ACMSD: variants seen among roughly 807,000 people sequenced by gnomAD.
ACMSD encodes 2-amino-3-carboxymuconate-6-semialdehyde decarboxylase.
ACMSD carries 37 observed loss-of-function variants against 45.9 expected under a neutral mutation model. That is an observed-to-expected ratio of 0.81 (90% CI 0.62 to 1.06). ACMSD has a LOEUF of 1.06. Among genes scored for constraint, ACMSD ranks in the 50% least tolerant of loss-of-function variants. The probability of loss-of-function intolerance (pLI) is 0.00; values close to 1 mark genes in which losing one functional copy is unlikely to be tolerated. For synonymous variants in ACMSD, 138 were observed against 148.8 expected, an observed-to-expected ratio of 0.93 and a Z score of 0.53; for missense variants, 434 against 420.9, an observed-to-expected ratio of 1.03 and a Z score of -0.27.
intron 2 of ACMSD, among the ~76,000 whole-genome samples, chr2:134,848,120 G>C (rs1208381720): frequency 6.6e-6 from 1 of 152,198 alleles, no homozygotes; most frequent in Non-Finnish European, 1.5e-5. Flanking sequence ...CAAAGTGCTG[G>C]GATTACAGGC....
At chr2:134,886,246 A>ATTATTATTATTATTATTATTATTTTTTTT in intron 8 of ACMSD, among the ~76,000 whole-genome samples, 1 of 115,450 alleles carries the variant, frequency 8.7e-6, no homozygotes, top group African/African-American at 3.6e-5. Context: ...TATTATTATT[A>ATTATTATTATTATTATTATTATTTTTTTT]TTTTTTTTTT....
At chr2:134,864,103 T>C (rs1687980968) in intron 5 of ACMSD, among the ~76,000 whole-genome samples, 1 of 151,840 alleles carries the variant, frequency 6.6e-6, no homozygotes, top group Non-Finnish European at 1.5e-5. Flanking sequence ...ACCCCATCTC[T>C]ACTAAAAATA....
intron 7 of ACMSD, among the ~76,000 whole-genome samples, chr2:134,871,674 A>ACAC (rs1559055052): frequency 7.0e-6 from 1 of 142,352 alleles, no homozygotes; most frequent in African/African-American, 2.7e-5. Flanking sequence ...GTGACCCTTC[A>ACAC]ACAGACAGAC....
rs528229403 is a variant in ACMSD at position 134,873,130 on chromosome 2, C to T, written c.849+489C>T. On this transcript the variant is annotated intron_variant, in intron 8 of 9. Coordinates refer to ENST00000356140, the MANE Select transcript of ACMSD (RefSeq NM_138326.3). The stretch of plus-strand genomic sequence containing the variant: ...TGGAAAATGCATAGTTGGGAAATTG[C>T]GCTGGACAGGGAGTCAGGGGAAGAT... The T allele has an allele frequency of 1.2e-4, 19 of 163,086 alleles. No homozygotes were observed. In the East Asian group the frequency reaches 2.7e-3, roughly 23 times the overall value. The allele number at this position is 163,086 out of a possible 1,614,324, so 10.1% of individuals were successfully genotyped here.
At chr2:134,863,683 G>C in intron 5 of ACMSD, 52 bp downstream of exon 5, 1 of 1,576,596 alleles carries the variant, frequency 6.3e-7, no homozygotes, top group East Asian at 2.2e-5. Flanking sequence ...CCTGGGCCGG[G>C]GGCACCGCTG....
intron 1 of ACMSD, among the ~76,000 whole-genome samples, chr2:134,842,327 G>A (rs1167920264): frequency 6.6e-6 from 1 of 152,108 alleles, no homozygotes; most frequent in African/African-American, 2.4e-5. Context: ...GGCCTGTGAG[G>A]TAAATTGGCA....
At chr2:134,879,107 C>T (rs1190119604) in intron 8 of ACMSD, among the ~76,000 whole-genome samples, 3 of 152,078 alleles carry the variant, frequency 2.0e-5, no homozygotes, top group Admixed American at 2.0e-4. Context: ...GCCAGAAATC[C>T]GTATCTTAAC....
intron 1 of ACMSD, among the ~76,000 whole-genome samples, chr2:134,843,977 A>G (rs539845654): frequency 6.6e-6 from 1 of 152,256 alleles, no homozygotes; most frequent in Non-Finnish European, 1.5e-5. Context: ...TTCCTTGCCT[A>G]CCCCAGCCTT....
chr2:134,869,956 C>T (rs1285244653), intron 6 of ACMSD, among the ~76,000 whole-genome samples: 1 of 152,220 alleles, frequency 6.6e-6, no homozygotes, highest in Non-Finnish European at 1.5e-5. Flanking sequence ...CTTCAGGAAG[C>T]TCTACCCACA....
At chr2:134,865,851 C>A (rs1241660598) in intron 5 of ACMSD, among the ~76,000 whole-genome samples, 3 of 152,180 alleles carry the variant, frequency 2.0e-5, no homozygotes, top group African/African-American at 7.2e-5. Flanking sequence ...GTAGTGCCAA[C>A]TGCCCAGCTC....
In ACMSD at chr2:134,866,438, A is replaced by T. The variant is rs3814358; in HGVS notation, c.487-1141A>T. Among the ~76,000 whole-genome samples the T allele has an allele frequency of 2.6e-3, 394 of 152,046 alleles. 3 individuals are homozygous for T. The highest frequency in any genetic ancestry group is 9.1e-3 in the African/African-American group (376 of 41,446). ...AAGAGGTCAATATTTTCTTTCCAAC[A>T]GGCACCTATTATCAGAAACCAATTA... On this transcript the variant is annotated intron_variant, in intron 5 of 9. Transcript: ENST00000356140.
At chr2:134,853,919 A>G (rs1276612385) in intron 2 of ACMSD, among the ~76,000 whole-genome samples, 2 of 152,178 alleles carry the variant, frequency 1.3e-5, no homozygotes, top group African/African-American at 4.8e-5. Flanking sequence ...ACTCTTTAGG[A>G]AATTATAGTA....
At chr2:134,844,051 A>G (rs748652145) in intron 1 of ACMSD, among the ~76,000 whole-genome samples, 9 of 152,220 alleles carry the variant, frequency 5.9e-5, no homozygotes, top group Non-Finnish European at 1.3e-4. Context: ...TCTCTGCCCT[A>G]GTAAGGCTTG....
chr2:134,854,417 G>T (rs1215832078), intron 2 of ACMSD, among the ~76,000 whole-genome samples: 2 of 152,222 alleles, frequency 1.3e-5, no homozygotes, highest in Admixed American at 6.5e-5. Context: ...TTCACCTGGT[G>T]AGCTGCTCCA....
In ACMSD at chr2:134,894,632, A is replaced by G. The variant is rs1689989175; in HGVS notation, c.850-3709A>G. ...GAAGGGAACATCCTCAACCTAATAAAAAGCATCATGAAAAACCCACAACTA... is the reference window on the plus strand; with the variant it reads ...GAAGGGAACATCCTCAACCTAATAAGAAGCATCATGAAAAACCCACAACTA... On this transcript the variant is annotated intron_variant, in intron 8 of 9. Transcript: ENST00000356140. Among the ~76,000 whole-genome samples the G allele has an allele frequency of 3.3e-5, 5 of 152,182 alleles. No individual in the cohort carries two copies. In the South Asian group the frequency reaches 1.0e-3, roughly 32 times the overall value.
chr2:134,844,884 GA>G (rs1364641843), intron 1 of ACMSD, among the ~76,000 whole-genome samples: 2 of 152,196 alleles, frequency 1.3e-5, no homozygotes, highest in Admixed American at 1.3e-4. Flanking sequence ...ATTTCCTAAA[GA>G]GTGGTCCTTA....
intron 7 of ACMSD, among the ~76,000 whole-genome samples, chr2:134,871,678 GACAGACACACAC>G (rs200717087): frequency 2.2e-5 from 3 of 137,636 alleles, no homozygotes; most frequent in East Asian, 2.3e-4. Context: ...CCCTTCAACA[GACAGACACACAC>G]ACACACACAC....
At chr2:134,869,195 C>T (rs1688290708) in intron 6 of ACMSD, among the ~76,000 whole-genome samples, 1 of 146,838 alleles carries the variant, frequency 6.8e-6, no homozygotes, top group Non-Finnish European at 1.5e-5. Flanking sequence ...TCTGATAAGT[C>T]CCACAAGCTC....
At chr2:134,895,098 G>A (rs1690024241) in intron 8 of ACMSD, among the ~76,000 whole-genome samples, 1 of 151,756 alleles carries the variant, frequency 6.6e-6, no homozygotes, top group Non-Finnish European at 1.5e-5. Context: ...AAGGTCAGGA[G>A]ATCAAGACCA....
Sources: gnomAD v4.1 joint callset for allele counts (sites outside exome capture counted in the v4.1 genomes callset) on GRCh38, gnomAD v4.1.1 for gene constraint, MANE v1.5 for transcripts, NCBI Gene and HGNC (gene_info 2026-07-23, HGNC 2026-07-21) for gene names.